The following CYTH1 variants were observed in gnomAD, a reference collection of about 807,000 sequenced individuals.
CYTH1 encodes cytohesin-1.
CYTH1 carries 18 observed loss-of-function variants against 61.8 expected under a neutral mutation model. That is an observed-to-expected ratio of 0.29 (90% CI 0.20 to 0.43). CYTH1 has a LOEUF of 0.43. Ranked by LOEUF, CYTH1 falls within the 20% of genes least tolerant of loss-of-function variation. The probability of loss-of-function intolerance (pLI) is 1.00; values close to 1 mark genes in which losing one functional copy is unlikely to be tolerated. For synonymous variants in CYTH1, 174 were observed against 184.3 expected, an observed-to-expected ratio of 0.94 and a Z score of 0.45; for missense variants, 336 against 510.5, an observed-to-expected ratio of 0.66 and a Z score of 3.29.
chr17:78,683,032 T>C (rs1437647638), intron 11 of CYTH1, among the ~76,000 whole-genome samples: 1 of 152,246 alleles, frequency 6.6e-6, no homozygotes, highest in Non-Finnish European at 1.5e-5. Context: ...CTTTATTATT[T>C]TCCCTCTGCC....
intron 13 of CYTH1, chr17:78,676,994 C>A (rs1413725957): frequency 4.4e-6 from 2 of 456,034 alleles, no homozygotes; most frequent in Non-Finnish European, 8.8e-6. Flanking sequence ...AGGGCACTCA[C>A]CCCTGCTGAA....
chr17:78,726,097 G>A (rs552568301), intron 1 of CYTH1, among the ~76,000 whole-genome samples: 34 of 145,978 alleles, frequency 2.3e-4, no homozygotes, highest in African/African-American at 7.2e-4. Context: ...AGGCTGGAGT[G>A]CAGTGGCGCG....
intron 13 of CYTH1, among the ~76,000 whole-genome samples, chr17:78,679,082 C>T (rs1442338558): frequency 6.6e-6 from 1 of 152,258 alleles, no homozygotes; most frequent in Non-Finnish European, 1.5e-5. Flanking sequence ...AAAACCTACA[C>T]TGGTCTGAGT....
chr17:78,709,792 A>G, intron 1 of CYTH1, 60 bp from the exon 2 acceptor site: 1 of 1,496,340 alleles, frequency 6.7e-7, no homozygotes, highest in Non-Finnish European at 9.3e-7. Flanking sequence ...ATCAAGGAAG[A>G]TCCAGAGGCC....
In CYTH1 at chr17:78,685,977, G is replaced by A. The variant is rs190692940; in HGVS notation, c.892-4935C>T. On this transcript the variant is annotated intron_variant, in intron 11 of 13. Transcript: ENST00000446868. Reference sequence around the variant, plus strand: ...GGTCTAAGGGGCCAGGCTTTGGAGCGACCCTTTCTGTAACAGTTTCCTGAA... The same window carrying A: ...GGTCTAAGGGGCCAGGCTTTGGAGCAACCCTTTCTGTAACAGTTTCCTGAA... 3.5e-4 allele frequency among the ~76,000 whole-genome samples: 53 copies of A among 152,282 alleles called. 2 individuals are homozygous for A. The highest frequency in any genetic ancestry group is 2.9e-3 in the Admixed American group (44 of 15,304).
chr17:78,676,422 C>A (rs1313406085), intron 13 of CYTH1: 5 of 515,318 alleles, frequency 9.7e-6, no homozygotes, highest in Non-Finnish European at 6.9e-6. Context: ...ACATAATAAT[C>A]AATTCACATT....
At chr17:78,778,896 T>C (rs897154752) in intron 1 of CYTH1, among the ~76,000 whole-genome samples, 1 of 152,208 alleles carries the variant, frequency 6.6e-6, no homozygotes, top group Non-Finnish European at 1.5e-5. Flanking sequence ...CCTTTTACAA[T>C]GTGGGATCTG....
intron 10 of CYTH1, among the ~76,000 whole-genome samples, chr17:78,694,093 G>A (rs544920545): frequency 1.3e-5 from 2 of 152,320 alleles, no homozygotes; most frequent in African/African-American, 4.8e-5. Flanking sequence ...AGAAACCTAA[G>A]GGGAGTATGC....
chr17:78,676,669 C>T, intron 13 of CYTH1: 1 of 299,192 alleles, frequency 3.3e-6, no homozygotes, highest in Non-Finnish European at 6.5e-6. Flanking sequence ...CATGACTCTG[C>T]AGGCGGCACT....
intron 1 of CYTH1, among the ~76,000 whole-genome samples, chr17:78,775,517 G>T (rs2093487565): frequency 6.6e-6 from 1 of 152,008 alleles, no homozygotes; most frequent in Admixed American, 6.5e-5. Context: ...TTTAATTCTT[G>T]CTGAAAACAC....
At chr17:78,681,599 AC>A (rs1426018565) in intron 11 of CYTH1, among the ~76,000 whole-genome samples, 1 of 152,026 alleles carries the variant, frequency 6.6e-6, no homozygotes, top group Non-Finnish European at 1.5e-5. Flanking sequence ...ACAGAGCTGC[AC>A]CCGCCAACTA....
intron 1 of CYTH1, among the ~76,000 whole-genome samples, chr17:78,751,132 T>C (rs981622773): frequency 4.6e-5 from 7 of 151,940 alleles, no homozygotes; most frequent in African/African-American, 1.7e-4. Flanking sequence ...CATGGGCGCA[T>C]GGCGGGGGGA....
intron 1 of CYTH1, among the ~76,000 whole-genome samples, chr17:78,741,727 A>T (rs1282608398): frequency 6.6e-6 from 1 of 152,198 alleles, no homozygotes; most frequent in Admixed American, 6.5e-5. Flanking sequence ...AGTTACCAGC[A>T]GGAGAGAATC....
At position 78,679,615 on chromosome 17, in the gene CYTH1, C is replaced by T. The variant is rs542056992; in HGVS notation, c.1118+575G>A. ...CAGCCCCGTGATAGACCTTACATGG[C>T]GTGGCCCAGTGGAGCCAACAGAGCC... On this transcript the variant is annotated intron_variant, in intron 13 of 13. Transcript: ENST00000446868. 6.6e-5 allele frequency among the ~76,000 whole-genome samples: 10 copies of T among 152,302 alleles called. 1 individual carries two copies. Among genetic ancestry groups the T allele is most frequent in the African/African-American group, 1.9e-4 (8 of 41,564 alleles).
rs550741089 is a variant in CYTH1 at position 78,769,142 on chromosome 17, T to C, written c.22+13060A>G. On this transcript the variant is annotated intron_variant, in intron 1 of 13. Coordinates refer to ENST00000446868, the MANE Select transcript of CYTH1 (RefSeq NM_004762.6). ...GCCTAGGCAACAGAGCAAGACTATG[T>C]CTCAAAAAAAAAAAAAGCAAAATAA... 3.2e-5 allele frequency among the ~76,000 whole-genome samples: 4 copies of C among 125,386 alleles called. No homozygotes were observed. In the East Asian group the frequency reaches 1.1e-3, roughly 34 times the overall value. The allele number at this position is 125,386 out of a possible 152,430, so 82.3% of individuals were successfully genotyped here.
At chr17:78,736,883 C>G (rs1219735311) in intron 1 of CYTH1, 1 of 169,848 alleles carries the variant, frequency 5.9e-6, no homozygotes, top group African/African-American at 2.4e-5. Context: ...CCTGAACAGA[C>G]AGGCAATGGC....
chr17:78,688,411 C>T (rs1328684860), intron 11 of CYTH1, among the ~76,000 whole-genome samples: 2 of 152,208 alleles, frequency 1.3e-5, no homozygotes, highest in African/African-American at 4.8e-5. Flanking sequence ...GATTGAGTAC[C>T]AGAGTGACTC....
chr17:78,715,643 T>G (rs2144489990), intron 1 of CYTH1, among the ~76,000 whole-genome samples: 1 of 152,252 alleles, frequency 6.6e-6, no homozygotes, highest in African/African-American at 2.4e-5. Flanking sequence ...TAAAAAGGAC[T>G]GGGCAACAGG....
At chr17:78,707,358 C>T (rs562056869) in intron 3 of CYTH1, among the ~76,000 whole-genome samples, 1 of 152,180 alleles carries the variant, frequency 6.6e-6, no homozygotes, top group South Asian at 2.1e-4. Context: ...CAAAACTAAA[C>T]TCTCAAAGTC....
Sources: allele counts gnomAD v4.1 joint callset (sites outside exome capture counted in the v4.1 genomes callset), GRCh38; gene constraint gnomAD v4.1.1; transcripts MANE v1.5; gene names NCBI Gene and HGNC (gene_info 2026-07-23, HGNC 2026-07-21).